SPPL2A: variants seen among roughly 807,000 people sequenced by gnomAD.
SPPL2A encodes the protein signal peptide peptidase-like 2A.
A neutral mutation model predicts 63.8 loss-of-function variants in SPPL2A; 51 were observed. The ratio of observed to expected loss-of-function variants is 0.80; its 90% CI spans 0.64 to 1.01. The LOEUF (loss-of-function observed/expected upper bound fraction) is 1.01, where lower values mean the gene tolerates loss of function less well. SPPL2A is among the 50% of genes least tolerant of loss of function. The pLI, the probability that SPPL2A is intolerant of heterozygous loss-of-function variation, is 0.00. For synonymous variants in SPPL2A, 188 were observed against 205.8 expected (o/e 0.91, Z 0.74); for missense variants, 553 against 622.7 (o/e 0.89, Z 1.19).
chr15:50,728,368 G>A (rs2062702279), intron 10 of SPPL2A, among the ~76,000 whole-genome samples: 1 of 152,078 alleles, frequency 6.6e-6, no homozygotes, highest in Non-Finnish European at 1.5e-5. Flanking sequence ...TTTTGAGACG[G>A]AGTCTCACTC....
intron 6 of SPPL2A, among the ~76,000 whole-genome samples, chr15:50,738,351 C>G (rs1278128614): frequency 6.6e-6 from 1 of 152,066 alleles, no homozygotes; most frequent in Non-Finnish European, 1.5e-5. Flanking sequence ...GAGTTCGAGA[C>G]CAGCCTGGTC....
At chr15:50,741,693 G>T (rs1240775236) in intron 5 of SPPL2A, among the ~76,000 whole-genome samples, 1 of 152,168 alleles carries the variant, frequency 6.6e-6, no homozygotes, top group African/African-American at 2.4e-5. Flanking sequence ...TCTGCTGGGT[G>T]TGGTGGCTCA....
Position 50,749,687 on chromosome 15 carries a change from G to A in SPPL2A, c.126C>T (p.Cys42=), listed in dbSNP as rs773341764. Reference sequence around the variant, plus strand: ...CTGTCCAATAAGGGTTATAAAGCATGCAGTAGTCCTTGGTTGTGCCATTTC... The same window carrying A: ...CTGTCCAATAAGGGTTATAAAGCATACAGTAGTCCTTGGTTGTGCCATTTC... The part of the protein sequence containing the change: ...ASGNGTTKDY[C]MLYNPYWTAL... The change falls in exon 2 of 15, where the codon TGC becomes TGT. Residue 42 remains cysteine, a synonymous_variant. Transcript: ENST00000261854. The A allele has an allele frequency of 1.3e-5, 21 of 1,613,420 alleles. No individual in the cohort carries two copies. Among genetic ancestry groups the A allele is most frequent in the Non-Finnish European group, 1.8e-5 (21 of 1,179,364 alleles).
intron 14 of SPPL2A, among the ~76,000 whole-genome samples, chr15:50,715,416 G>C (rs1433313784): frequency 1.3e-5 from 2 of 152,158 alleles, no homozygotes; most frequent in Non-Finnish European, 2.9e-5. Flanking sequence ...TATGGAAAAA[G>C]AAGGAGGAAA....
At chr15:50,763,815 T>C (rs1465172385) in intron 1 of SPPL2A, among the ~76,000 whole-genome samples, 2 of 152,124 alleles carry the variant, frequency 1.3e-5, no homozygotes, top group Non-Finnish European at 2.9e-5. Context: ...GGAGAATTGC[T>C]TGAACCTGGG....
Position 50,725,472 on chromosome 15 carries a change from G to A in SPPL2A, c.1147-149C>T, listed in dbSNP as rs1349058659. 48 of 551,838 alleles carry A rather than the reference G, an allele frequency of 8.7e-5. No homozygotes were observed. In the South Asian group the frequency reaches 1.1e-3, roughly 13 times the overall value. The allele number at this position is 551,838 out of a possible 1,614,324, so 34.2% of individuals were successfully genotyped here. ...TCTCGCTCTGTCGCCCAAGTGGAGT[G>A]CAGTGGCGTGATCTCAGCTCACTGC... On this transcript the variant is annotated intron_variant, in intron 11 of 14. Coordinates refer to ENST00000261854, the MANE Select transcript of SPPL2A (RefSeq NM_032802.4).
chr15:50,765,552 G>C lies in SPPL2A; in HGVS notation c.-19C>G, dbSNP rs1402605649. 3 of 1,473,342 alleles carry C rather than the reference G, an allele frequency of 2.0e-6. No individual in the cohort carries two copies. The highest frequency in any genetic ancestry group is 2.7e-6 in the Non-Finnish European group (3 of 1,118,874). The allele number at this position is 1,473,342 out of a possible 1,614,324, so 91.3% of individuals were successfully genotyped here. A position where few individuals can be genotyped will look rare whatever the true frequency, so the allele number is the denominator to read the frequency against. Reference sequence around the variant, plus strand: ...GCCCCATCGGACTGGTGGGTGCCGGGTGGGACGGCACGGTGCGGCGCAGCT... The same window carrying C: ...GCCCCATCGGACTGGTGGGTGCCGGCTGGGACGGCACGGTGCGGCGCAGCT... On this transcript the variant is annotated 5_prime_UTR_variant, in exon 1 of 15. Coordinates refer to ENST00000261854, the MANE Select transcript of SPPL2A (RefSeq NM_032802.4).
intron 5 of SPPL2A, chr15:50,746,572 A>G (rs2062859604): frequency 6.6e-6 from 1 of 151,840 alleles, no homozygotes; most frequent in Non-Finnish European, 1.5e-5. Context: ...ACAGTATGCT[A>G]AATAGCCATT....
intron 5 of SPPL2A, among the ~76,000 whole-genome samples, chr15:50,741,975 G>C (rs201935846): frequency 6.8e-6 from 1 of 146,496 alleles, no homozygotes; most frequent in Non-Finnish European, 1.5e-5. Context: ...CAAAAAAAAA[G>C]AAAAAAAAAT....
At chr15:50,736,767 A>G (rs2062774333) in intron 6 of SPPL2A, 27 bp from the exon 7 acceptor site, 1 of 1,117,934 alleles carries the variant, frequency 8.9e-7, no homozygotes, top group Non-Finnish European at 1.4e-6. Context: ...ACTAAATTAC[A>G]TGAGAACAGA....
chr15:50,735,197 T>C (rs2062760309), intron 8 of SPPL2A, among the ~76,000 whole-genome samples: 1 of 152,176 alleles, frequency 6.6e-6, no homozygotes, highest in Non-Finnish European at 1.5e-5. Flanking sequence ...TGAGCCACCA[T>C]GCCCGGCAAG....
chr15:50,725,683 A>G (rs1051915443), intron 11 of SPPL2A, among the ~76,000 whole-genome samples: 5 of 152,094 alleles, frequency 3.3e-5, no homozygotes, highest in African/African-American at 1.2e-4. Context: ...TGCCTGCCTC[A>G]GCCTCCCAAA....
chr15:50,703,345 TACATATATA>T lies in SPPL2A; in HGVS notation c.*4446_*4454del, dbSNP rs1167770462. 4 of 87,198 alleles carry T rather than the reference TACATATATA, an allele frequency of 4.6e-5. No individual in the cohort carries two copies. The highest frequency in any genetic ancestry group is 4.2e-4 in the South Asian group (1 of 2,392). The allele number at this position is 87,198 out of a possible 1,614,324, so 5.4% of individuals were successfully genotyped here. On this transcript the variant is annotated 3_prime_UTR_variant, in exon 15 of 15. Coordinates refer to ENST00000261854, the MANE Select transcript of SPPL2A (RefSeq NM_032802.4). Reference sequence around the variant, plus strand: ...ATATACATATATATATATATATATATACATATATATATTTTTTTTTTTTTTTTTTTTTTT... The same window carrying T: ...ATATACATATATATATATATATATATTATTTTTTTTTTTTTTTTTTTTTTT...
intron 14 of SPPL2A, among the ~76,000 whole-genome samples, chr15:50,714,614 A>G (rs1761960458): frequency 7.3e-6 from 1 of 137,778 alleles, no homozygotes; most frequent in Non-Finnish European, 1.6e-5. Context: ...CTGGGCAATA[A>G]GAGTGAAACT....
intron 11 of SPPL2A, among the ~76,000 whole-genome samples, chr15:50,725,675 C>T (rs576063357): frequency 1.3e-5 from 2 of 152,254 alleles, no homozygotes; most frequent in South Asian, 4.1e-4. Context: ...AGGTGATCTG[C>T]CTGCCTCAGC....
chr15:50,714,611 A>G (rs910116938), intron 14 of SPPL2A, among the ~76,000 whole-genome samples: 7 of 144,612 alleles, frequency 4.8e-5, no homozygotes, highest in East Asian at 2.1e-4. Context: ...AGCCTGGGCA[A>G]TAAGAGTGAA....
intron 9 of SPPL2A, 47 bp downstream of exon 9, chr15:50,732,556 C>A: frequency 8.2e-7 from 1 of 1,215,288 alleles, no homozygotes; most frequent in African/African-American, 1.5e-5. Flanking sequence ...ATAAAGTTGT[C>A]TTTTAAAAAT....
chr15:50,758,621 C>A (rs979117594), intron 1 of SPPL2A, among the ~76,000 whole-genome samples: 2 of 152,094 alleles, frequency 1.3e-5, no homozygotes, highest in Non-Finnish European at 2.9e-5. Context: ...AGCCATCATG[C>A]CCAGCCATTT....
chr15:50,759,400 G>C (rs978101737), intron 1 of SPPL2A, among the ~76,000 whole-genome samples: 1 of 152,044 alleles, frequency 6.6e-6, no homozygotes, highest in South Asian at 2.1e-4. Context: ...GGGCAACAGA[G>C]CAAGATTCTG....
Sources: allele counts gnomAD v4.1 joint callset (sites outside exome capture counted in the v4.1 genomes callset), GRCh38; gene constraint gnomAD v4.1.1; transcripts MANE v1.5; gene names NCBI Gene and HGNC (gene_info 2026-07-23, HGNC 2026-07-21).